Variants in ST3GAL3 observed in about 807,000 individuals in gnomAD.
ST3GAL3 encodes CMP-N-acetylneuraminate-beta-1,4-galactoside alpha-2,3-sialyltransferase.
ST3GAL3 carries 21 observed loss-of-function variants against 50.1 expected under a neutral mutation model. The ratio of observed to expected loss-of-function variants is 0.42; its 90% CI spans 0.30 to 0.60. ST3GAL3 has a LOEUF of 0.60. ST3GAL3 is among the 20% of genes least tolerant of loss of function. The pLI is 0.19. For synonymous variants in ST3GAL3, 183 were observed against 190.0 expected (o/e 0.96, Z 0.30); for missense variants, 353 against 489.4 (o/e 0.72, Z 2.63).
intron 2 of ST3GAL3, among the ~76,000 whole-genome samples, chr1:43,757,322 T>C (rs1010304042): frequency 6.6e-6 from 1 of 152,230 alleles, no homozygotes; most frequent in Non-Finnish European, 1.5e-5. Flanking sequence ...TTAAAACTTA[T>C]ATAGAAATAT....
chr1:43,915,893 C>T (rs767482861), intron 9 of ST3GAL3, among the ~76,000 whole-genome samples: 7 of 152,154 alleles, frequency 4.6e-5, no homozygotes, highest in Non-Finnish European at 7.4e-5. Flanking sequence ...CCGAGGTGGG[C>T]GGGTCTTCTG....
chr1:43,894,658 GAGAT>G (rs2077131839), intron 6 of ST3GAL3, among the ~76,000 whole-genome samples, 181 bp downstream of exon 6: 1 of 132,900 alleles, frequency 7.5e-6, no homozygotes, highest in African/African-American at 2.8e-5. Context: ...TTTTTTTTTT[GAGAT>G]AGATCCTTGC....
chr1:43,794,086 G>GAAA (rs11342279), intron 3 of ST3GAL3, among the ~76,000 whole-genome samples: 1 of 122,202 alleles, frequency 8.2e-6, no homozygotes. Context: ...CCTGTCTCTG[G>GAAA]AAAAAAAAAA....
intron 1 of ST3GAL3, chr1:43,708,056 G>C (rs1335865043): frequency 1.3e-5 from 2 of 152,378 alleles, no homozygotes; most frequent in Non-Finnish European, 2.9e-5. Context: ...AAAGTCCAGG[G>C]AGCGCCTGAG....
At chr1:43,837,375 AG>A (rs1248706320) in intron 4 of ST3GAL3, among the ~76,000 whole-genome samples, 32 of 152,224 alleles carry the variant, frequency 2.1e-4, no homozygotes, top group Non-Finnish European at 7.3e-5. Flanking sequence ...CTCAACTAAA[AG>A]TCTAATGGTT....
chr1:43,793,895 T>G (rs1333680986), intron 3 of ST3GAL3, among the ~76,000 whole-genome samples: 1 of 151,932 alleles, frequency 6.6e-6, no homozygotes, highest in African/African-American at 2.4e-5. Flanking sequence ...CCAGCTTGGG[T>G]AACACAGTGA....
chr1:43,744,655 A>AAAATAATTAAATAAAT lies in ST3GAL3; in HGVS notation c.118+8281_118+8282insTTAAATAAATAAATAA, dbSNP rs1682696448. ...GGGACAGAGCGAGACTCCCTCTCAA[A>AAAATAATTAAATAAAT]AAATAAATAAATAAATAAATAAATA... On this transcript the variant is annotated intron_variant, in intron 2 of 11. Coordinates refer to ENST00000347631, the MANE Select transcript of ST3GAL3 (RefSeq NM_006279.5). 2.1e-5 allele frequency among the ~76,000 whole-genome samples: 3 copies of AAAATAATTAAATAAAT among 140,962 alleles called. No homozygotes were observed. The South Asian group carries it at 6.6e-4, about 31-fold the overall frequency. 92.5% of individuals were successfully genotyped at this position (140,962 alleles called of 152,430 possible). A position where few individuals can be genotyped will look rare whatever the true frequency, so the allele number is the denominator to read the frequency against.
Position 43,920,507 on chromosome 1 carries a change from C to A in ST3GAL3, c.848C>A (p.Thr283Asn). 1 of 1,614,198 alleles carries A rather than the reference C, an allele frequency of 6.2e-7. No homozygotes were observed. Among genetic ancestry groups the A allele is most frequent in the Non-Finnish European group, 8.5e-7 (1 of 1,180,032 alleles). ...NPYFIQEAAF[T>N]LIGLPFNNGL... The stretch of plus-strand genomic sequence containing the variant: ...TATTTCATCCAGGAGGCCGCCTTCA[C>A]CCTCATTGGCCTGCCCTTCAACAAT... The change falls in exon 10 of 12, where the codon ACC (threonine) becomes AAC (asparagine). Residue 283 changes from threonine (T) to asparagine (N), a missense_variant. Thr to Asn is a moderately conservative substitution (Grantham distance 65, BLOSUM62 0). Transcript: ENST00000347631.
At chr1:43,730,294 G>C (rs951985841) in intron 1 of ST3GAL3, among the ~76,000 whole-genome samples, 9 of 152,194 alleles carry the variant, frequency 5.9e-5, no homozygotes, top group African/African-American at 2.2e-4. Flanking sequence ...CAGAGCCTTG[G>C]GCTGTGGTCA....
At chr1:43,864,143 G>A (rs1051180335) in intron 5 of ST3GAL3, among the ~76,000 whole-genome samples, 3 of 152,234 alleles carry the variant, frequency 2.0e-5, no homozygotes, top group African/African-American at 7.2e-5. Context: ...GCCGGGCATG[G>A]TGGCGCATGC....
At chr1:43,874,851 G>A (rs994124876) in intron 5 of ST3GAL3, among the ~76,000 whole-genome samples, 2 of 152,198 alleles carry the variant, frequency 1.3e-5, no homozygotes, top group Non-Finnish European at 2.9e-5. Flanking sequence ...GAATTGTAGA[G>A]AGAAAAGAGA....
chr1:43,894,084 C>T (rs2077019693), intron 5 of ST3GAL3: 1 of 432,882 alleles, frequency 2.3e-6, no homozygotes, highest in East Asian at 4.9e-5. Context: ...CCTGCACAAC[C>T]TTCCAGAGAG....
At chr1:43,765,801 GT>G (rs1692633186) in intron 2 of ST3GAL3, among the ~76,000 whole-genome samples, 7 of 142,966 alleles carry the variant, frequency 4.9e-5, no homozygotes, top group African/African-American at 2.0e-4. Flanking sequence ...GCGCGCGCGC[GT>G]CCGCGCGTCC....
chr1:43,743,843 T>TTC (rs1682205981), intron 2 of ST3GAL3: 3 of 136,582 alleles, frequency 2.2e-5, no homozygotes, highest in South Asian at 2.6e-4. Context: ...ATTCTTTCAT[T>TTC]CCCCCCCCCC....
Position 43,930,353 on chromosome 1 carries a change from C to A in ST3GAL3, c.*132C>A. 1 of 848,070 alleles carries A rather than the reference C, an allele frequency of 1.2e-6. No homozygotes were observed. The highest frequency in any genetic ancestry group is 1.8e-5 in the Admixed American group (1 of 54,096). 52.5% of individuals were successfully genotyped at this position (848,070 alleles called of 1,614,324 possible). A position where few individuals can be genotyped will look rare whatever the true frequency, so the allele number is the denominator to read the frequency against. On this transcript the variant is annotated 3_prime_UTR_variant, in exon 12 of 12. Transcript: ENST00000347631. ...CAGGGGCAGCAAGGCCTTGGTGGAG[C>A]AGCCAGAGCTGTGCCTGCTCAGCAG...
intron 5 of ST3GAL3, among the ~76,000 whole-genome samples, chr1:43,881,389 G>A (rs184275288): frequency 6.6e-6 from 1 of 152,352 alleles, no homozygotes; most frequent in East Asian, 1.9e-4. Flanking sequence ...AGACACAGAC[G>A]GTAGATGCTG....
intron 1 of ST3GAL3, among the ~76,000 whole-genome samples, chr1:43,712,873 A>G (rs1034273016): frequency 4.6e-5 from 7 of 152,200 alleles, no homozygotes; most frequent in African/African-American, 1.2e-4. Context: ...GAAATCGGTC[A>G]AGAATAGATT....
chr1:43,765,248 C>G (rs562886412), intron 2 of ST3GAL3, among the ~76,000 whole-genome samples: 3 of 152,170 alleles, frequency 2.0e-5, no homozygotes, highest in South Asian at 2.1e-4. Context: ...GAGTCCTTCA[C>G]TGGATTCTCT....
intron 2 of ST3GAL3, among the ~76,000 whole-genome samples, chr1:43,759,592 T>C (rs1689530351): frequency 2.6e-5 from 4 of 152,246 alleles, no homozygotes; most frequent in Admixed American, 2.6e-4. Flanking sequence ...AACTACTGTC[T>C]TTTGTAGAGT....
Sources: allele counts gnomAD v4.1 joint callset (sites outside exome capture counted in the v4.1 genomes callset), GRCh38; gene constraint gnomAD v4.1.1; transcripts MANE v1.5; gene names NCBI Gene and HGNC (gene_info 2026-07-23, HGNC 2026-07-21).